Variants in SCIMP observed in about 807,000 individuals in gnomAD.
The protein encoded by SCIMP is SLP adapter and CSK-interacting membrane protein.
A neutral mutation model predicts 22.0 loss-of-function variants in SCIMP; 18 were observed. The ratio of observed to expected loss-of-function variants is 0.82; its 90% CI spans 0.56 to 1.21. SCIMP has a LOEUF of 1.21. SCIMP is among the 50% of genes most tolerant of loss of function. SCIMP has a pLI of 0.00. For missense variants in SCIMP, 155 were observed against 171.2 expected (o/e 0.91, Z 0.53); for synonymous variants, 53 against 62.2 (o/e 0.85, Z 0.70).
chr17:5,227,292 A>AAC (rs10681110), intron 1 of SCIMP, among the ~76,000 whole-genome samples: 41,634 of 144,142 alleles, frequency 0.29, 6,672 homozygotes, highest in Non-Finnish European at 0.39. Context: ...ACACACACAC[A>AAC]ACACACACAC....
At chr17:5,225,530 G>A (rs1482380985) in intron 1 of SCIMP, among the ~76,000 whole-genome samples, 2 of 152,172 alleles carry the variant, frequency 1.3e-5, no homozygotes, top group Non-Finnish European at 2.9e-5. Context: ...GGTGGCTGAG[G>A]CAGGCGGATC....
At chr17:5,225,438 C>G (rs1251599270) in intron 1 of SCIMP, among the ~76,000 whole-genome samples, 1 of 152,014 alleles carries the variant, frequency 6.6e-6, no homozygotes, top group Non-Finnish European at 1.5e-5. Flanking sequence ...ACATTCCAGC[C>G]TGGACAACAG....
At position 5,212,391 on chromosome 17, in the gene SCIMP, T is replaced by C. The variant is rs571003919; in HGVS notation, c.284-1436A>G. 2.6e-4 allele frequency among the ~76,000 whole-genome samples: 40 copies of C among 152,246 alleles called. No individual in the cohort carries two copies. In the South Asian group the frequency reaches 8.1e-3, roughly 31 times the overall value. On this transcript the variant is annotated intron_variant, in intron 4 of 4. Coordinates refer to ENST00000574081, the MANE Select transcript of SCIMP (RefSeq NM_207103.3). ...GGCTCACGCCTGTAATCCCAGCACT[T>C]TGGGAGGCTGAGGTGGGTGGATCAC...
At chr17:5,219,710 T>C (rs1260269774) in intron 3 of SCIMP, among the ~76,000 whole-genome samples, 2 of 152,224 alleles carry the variant, frequency 1.3e-5, no homozygotes, top group Admixed American at 6.5e-5. Context: ...ATGTGGTTTA[T>C]GGTGAATGCC....
intron 3 of SCIMP, chr17:5,221,033 G>T (rs2074602601): frequency 3.4e-6 from 2 of 587,282 alleles, no homozygotes; most frequent in Non-Finnish European, 6.3e-6. Flanking sequence ...ACTCCAGCCT[G>T]GGCGACAGAG....
At chr17:5,214,018 C>G (rs1470496694) in intron 4 of SCIMP, 1 of 152,158 alleles carries the variant, frequency 6.6e-6, no homozygotes, top group Non-Finnish European at 1.5e-5. Flanking sequence ...GAAGAAACAC[C>G]AGAAATCTGA....
chr17:5,229,837 C>G (rs2074680264), intron 1 of SCIMP, among the ~76,000 whole-genome samples: 2 of 149,616 alleles, frequency 1.3e-5, no homozygotes, highest in African/African-American at 4.9e-5. Flanking sequence ...TCCCCTTCCC[C>G]CATCTCCTTT....
chr17:5,227,979 C>T (rs1597293899), intron 1 of SCIMP, among the ~76,000 whole-genome samples: 2 of 152,138 alleles, frequency 1.3e-5, no homozygotes, highest in Admixed American at 1.3e-4. Context: ...TCAAGACCAG[C>T]CTGGCCAACA....
chr17:5,226,243 G>C lies in SCIMP; in HGVS notation c.22-2787C>G, dbSNP rs568864911. ...CTGCATTACTTGATTTTTGCACTACGTACATTTACTTTGATAACACTGGAA... is the reference window on the plus strand; with the variant it reads ...CTGCATTACTTGATTTTTGCACTACCTACATTTACTTTGATAACACTGGAA... On this transcript the variant is annotated intron_variant, in intron 1 of 4. Transcript: ENST00000574081. Among the ~76,000 whole-genome samples, 5 of 152,210 alleles carry C rather than the reference G, an allele frequency of 3.3e-5. No individual in the cohort carries two copies. The East Asian group carries it at 9.6e-4, about 29-fold the overall frequency.
In SCIMP at chr17:5,233,457, C is replaced by T. The variant is rs554621149; in HGVS notation, c.21+1278G>A. Among the ~76,000 whole-genome samples, 21 of 152,270 alleles carry T rather than the reference C, an allele frequency of 1.4e-4. No individual in the cohort carries two copies. In the South Asian group the frequency reaches 1.9e-3, roughly 14 times the overall value. The stretch of plus-strand genomic sequence containing the variant: ...ACATAATCTTGGCTCACTGCAACCT[C>T]CACCTCCCGGGCTCAAACGATTCTC... On this transcript the variant is annotated intron_variant, in intron 1 of 4. Transcript: ENST00000574081.
intron 1 of SCIMP, among the ~76,000 whole-genome samples, chr17:5,232,383 CAGTGCAGTATA>C (rs1457958197): frequency 6.6e-6 from 1 of 152,044 alleles, no homozygotes; most frequent in Non-Finnish European, 1.5e-5. Flanking sequence ...GCAGTATAAA[CAGTGCAGTATA>C]AACAGTATAA....
At chr17:5,234,141 G>A (rs1401773040) in intron 1 of SCIMP, among the ~76,000 whole-genome samples, 3 of 152,170 alleles carry the variant, frequency 2.0e-5, no homozygotes, top group Admixed American at 1.3e-4. Flanking sequence ...TGTGGTGGCG[G>A]GTGCCTGTAA....
intron 4 of SCIMP, chr17:5,214,626 G>T (rs1009404380): frequency 1.0e-5 from 3 of 293,854 alleles, no homozygotes; most frequent in Admixed American, 9.9e-5. Flanking sequence ...GGATCACGAG[G>T]TCAGGAGATC....
At chr17:5,218,740 T>G (rs1208540975) in intron 3 of SCIMP, among the ~76,000 whole-genome samples, 1 of 152,162 alleles carries the variant, frequency 6.6e-6, no homozygotes, top group Non-Finnish European at 1.5e-5. Flanking sequence ...AGGGGGAGTC[T>G]TATTTGCTGG....
chr17:5,213,105 CAG>C (rs1222670484), intron 4 of SCIMP: 3 of 970,866 alleles, frequency 3.1e-6, no homozygotes, highest in Non-Finnish European at 3.6e-6. Flanking sequence ...AGGAACCAGG[CAG>C]AGTTTTTCTG....
intron 3 of SCIMP, chr17:5,215,261 C>G: frequency 2.7e-6 from 1 of 364,542 alleles, no homozygotes; most frequent in Non-Finnish European, 5.0e-6. Flanking sequence ...ATGGAGCACA[C>G]CTTCCTGGTT....
At chr17:5,218,545 G>C (rs994321441) in intron 3 of SCIMP, among the ~76,000 whole-genome samples, 3 of 152,062 alleles carry the variant, frequency 2.0e-5, no homozygotes, top group African/African-American at 7.2e-5. Context: ...TCACCATGTT[G>C]GCCAGACTGG....
intron 1 of SCIMP, among the ~76,000 whole-genome samples, chr17:5,232,005 G>A (rs145633967): frequency 0.019 from 2,845 of 152,060 alleles, 38 homozygotes; most frequent in African/African-American, 0.037. Context: ...GCAGTGAGCC[G>A]AGATTGCGCC....
chr17:5,230,970 A>T (rs901814757), intron 1 of SCIMP, among the ~76,000 whole-genome samples: 1 of 152,190 alleles, frequency 6.6e-6, no homozygotes, highest in Admixed American at 6.6e-5. Flanking sequence ...TAGAGCTAAA[A>T]GTCATGTAGC....
Sources: allele counts gnomAD v4.1 joint callset (sites outside exome capture counted in the v4.1 genomes callset), GRCh38; gene constraint gnomAD v4.1.1; transcripts MANE v1.5; gene names NCBI Gene and HGNC (gene_info 2026-07-23, HGNC 2026-07-21).